The following GABRG3 variants were observed in gnomAD, a reference collection of about 807,000 sequenced individuals.
GABRG3 encodes gamma-aminobutyric acid receptor subunit gamma-3.
In GABRG3, 25 loss-of-function variants were observed where a neutral mutation model predicts 48.8. That is an observed-to-expected ratio of 0.51 (90% CI 0.37 to 0.72). GABRG3 has a LOEUF of 0.72. GABRG3 is among the 30% of genes least tolerant of loss of function. GABRG3 has a pLI of 0.00. For synonymous variants in GABRG3, 227 were observed against 217.6 expected (o/e 1.04, Z -0.38); for missense variants, 394 against 577.9 (o/e 0.68, Z 3.26).
At position 27,284,006 on chromosome 15, in the gene GABRG3, T is replaced by A. The variant is rs141073122; in HGVS notation, c.271-42803T>A. Among the ~76,000 whole-genome samples, 249 of 152,288 alleles carry A rather than the reference T, an allele frequency of 1.6e-3. 1 individual carries two copies. Among genetic ancestry groups the A allele is most frequent in the African/African-American group, 5.3e-3 (219 of 41,562 alleles). ...GATGTAGAGACTTAGACTTTCTTCTTTGCCCAAAGAACTCACCTCATCTGT... is the reference window on the plus strand; with the variant it reads ...GATGTAGAGACTTAGACTTTCTTCTATGCCCAAAGAACTCACCTCATCTGT... On this transcript the variant is annotated intron_variant, in intron 3 of 9. Coordinates refer to ENST00000615808, the MANE Select transcript of GABRG3 (RefSeq NM_033223.5).
intron 5 of GABRG3, among the ~76,000 whole-genome samples, chr15:27,388,871 G>GAGAGAGAC (rs201860052): frequency 0.013 from 2,039 of 152,292 alleles, 42 homozygotes; most frequent in African/African-American, 0.047. Context: ...GAGAGGAAGA[G>GAGAGAGAC]AGAGAGACAG....
chr15:27,440,243 A>G (rs973647854), intron 5 of GABRG3, among the ~76,000 whole-genome samples: 87 of 152,318 alleles, frequency 5.7e-4, no homozygotes, highest in African/African-American at 2.0e-3. Flanking sequence ...CGCGTTGTAC[A>G]TGGGAACAAA....
chr15:27,033,249 T>A (rs977432810), intron 3 of GABRG3, among the ~76,000 whole-genome samples: 2 of 152,110 alleles, frequency 1.3e-5, no homozygotes, highest in East Asian at 3.9e-4. Context: ...TCGGGGGAAG[T>A]GGCGTGCAGG....
intron 3 of GABRG3, among the ~76,000 whole-genome samples, chr15:27,301,499 A>G (rs1046342973): frequency 3.9e-5 from 6 of 152,166 alleles, no homozygotes; most frequent in African/African-American, 1.4e-4. Flanking sequence ...CAGGGGAAGA[A>G]GGGGAATGGC....
At chr15:27,071,899 A>G (rs1414292171) in intron 3 of GABRG3, among the ~76,000 whole-genome samples, 1 of 152,318 alleles carries the variant, frequency 6.6e-6, no homozygotes, top group South Asian at 2.1e-4. Context: ...CCTCTTTCAC[A>G]GTTGTGGGGA....
intron 5 of GABRG3, among the ~76,000 whole-genome samples, chr15:27,398,254 A>G (rs938996398): frequency 6.6e-6 from 1 of 152,186 alleles, no homozygotes; most frequent in African/African-American, 2.4e-5. Context: ...AAGGCCTTAC[A>G]TTGTGCCTGA....
At chr15:26,982,925 G>C (rs548224502) in intron 2 of GABRG3, among the ~76,000 whole-genome samples, 2 of 152,148 alleles carry the variant, frequency 1.3e-5, no homozygotes, top group African/African-American at 2.4e-5. Context: ...TGATCCCTGG[G>C]ACAAATTAGG....
intron 5 of GABRG3, among the ~76,000 whole-genome samples, chr15:27,403,724 T>C (rs1461243169): frequency 3.1e-4 from 40 of 130,734 alleles, no homozygotes; most frequent in Middle Eastern, 5.4e-3. Context: ...ACCAGCCTGG[T>C]CAACATGGTG....
chr15:27,006,884 G>C (rs1895596110), intron 2 of GABRG3, among the ~76,000 whole-genome samples: 1 of 151,132 alleles, frequency 6.6e-6, no homozygotes, highest in East Asian at 1.9e-4. Flanking sequence ...CTGTTGCCCA[G>C]GCCGGAGTGT....
At chr15:27,337,778 C>T (rs1894024863) in intron 5 of GABRG3, among the ~76,000 whole-genome samples, 1 of 152,068 alleles carries the variant, frequency 6.6e-6, no homozygotes, top group Non-Finnish European at 1.5e-5. Context: ...TCTTGACTAA[C>T]CTAAAAAAAG....
At chr15:27,103,408 CCCAGGGTCCACAGCAGGTCCAT>C (rs1486244207) in intron 3 of GABRG3, among the ~76,000 whole-genome samples, 4 of 152,098 alleles carry the variant, frequency 2.6e-5, no homozygotes, top group Non-Finnish European at 5.9e-5. Flanking sequence ...AGCAGGTTCA[CCCAGGGTCCACAGCAGGTCCAT>C]CCAGGGTCCA....
chr15:26,984,648 A>G (rs1168346621), intron 2 of GABRG3, among the ~76,000 whole-genome samples: 4 of 151,882 alleles, frequency 2.6e-5, no homozygotes, highest in Non-Finnish European at 5.9e-5. Context: ...AGATCTTGTC[A>G]TGTGAGCTGG....
chr15:27,234,023 G>A (rs1889882910), intron 3 of GABRG3, among the ~76,000 whole-genome samples: 1 of 152,122 alleles, frequency 6.6e-6, no homozygotes, highest in African/African-American at 2.4e-5. Flanking sequence ...GGGAGAGGGA[G>A]CTTTAGAGAG....
intron 3 of GABRG3, among the ~76,000 whole-genome samples, chr15:27,193,267 T>C (rs1888387728): frequency 6.6e-6 from 1 of 152,160 alleles, no homozygotes; most frequent in African/African-American, 2.4e-5. Context: ...CAGGGACATT[T>C]AAGTCTGCAG....
Position 27,323,748 on chromosome 15 carries a change from C to T in GABRG3, c.271-3061C>T, listed in dbSNP as rs1335258112. Among the ~76,000 whole-genome samples the T allele has an allele frequency of 2.6e-5, 4 of 152,158 alleles. No homozygotes were observed. In the East Asian group the frequency reaches 7.7e-4, roughly 29 times the overall value. ...GCTTCTGTATGGCTTTCCCATGTCT[C>T]CAGCACCTGCACACCCCAGAACCCT... is the stretch of plus-strand genomic sequence containing the variant. On this transcript the variant is annotated intron_variant, in intron 3 of 9. Coordinates refer to ENST00000615808, the MANE Select transcript of GABRG3 (RefSeq NM_033223.5).
intron 3 of GABRG3, among the ~76,000 whole-genome samples, chr15:27,120,598 CA>C (rs11333584): frequency 0.29 from 44,588 of 151,802 alleles, 7,420 homozygotes; most frequent in Middle Eastern, 0.38. Flanking sequence ...AAGCAATTAT[CA>C]AGGTCTAATT....
chr15:27,009,216 G>T (rs1392562016), intron 2 of GABRG3, among the ~76,000 whole-genome samples: 1 of 152,112 alleles, frequency 6.6e-6, no homozygotes, highest in Non-Finnish European at 1.5e-5. Context: ...GAGAGAGCTC[G>T]AATACTGATA....
rs573608309 is a variant in GABRG3 at position 27,199,041 on chromosome 15, T to A, written c.271-127768T>A. ...GGATAGCATTAGGAGAAATACCTAA[T>A]GTAGATGATGGGTTGATGGGTGCAG... On this transcript the variant is annotated intron_variant, in intron 3 of 9. Coordinates refer to ENST00000615808, the MANE Select transcript of GABRG3 (RefSeq NM_033223.5). Among the ~76,000 whole-genome samples the A allele has an allele frequency of 3.0e-3, 453 of 152,192 alleles. 2 individuals carry two copies. Among genetic ancestry groups the A allele is most frequent in the African/African-American group, 0.01 (426 of 41,540 alleles).
rs146389509 is a variant in GABRG3 at position 26,990,057 on chromosome 15, G to A, written c.202+12907G>A. ...ACACTTAGGTTGCTTCCAAATCTTG[G>A]CTATTGTGAACAGTGCTGCAATGAA... On this transcript the variant is annotated intron_variant, in intron 2 of 9. Coordinates refer to ENST00000615808, the MANE Select transcript of GABRG3 (RefSeq NM_033223.5). Among the ~76,000 whole-genome samples the A allele has an allele frequency of 6.2e-3, 941 of 152,252 alleles. 10 individuals are homozygous for A. The highest frequency in any genetic ancestry group is 0.022 in the African/African-American group (902 of 41,560).
Sources: allele counts gnomAD v4.1 joint callset (sites outside exome capture counted in the v4.1 genomes callset), GRCh38; gene constraint gnomAD v4.1.1; transcripts MANE v1.5; gene names NCBI Gene and HGNC (gene_info 2026-07-23, HGNC 2026-07-21).